The following SLC5A1 variants were observed in gnomAD, a reference collection of about 807,000 sequenced individuals.
The protein encoded by SLC5A1 is solute carrier family 5 member 1.
Under a neutral mutation model 73.5 loss-of-function variants are expected in SLC5A1, and 42 were observed. The observed-to-expected ratio is 0.57, with a 90% CI of 0.45 to 0.74. SLC5A1 has a LOEUF of 0.74. SLC5A1 is among the 30% of genes least tolerant of loss of function. The probability of loss-of-function intolerance (pLI) is 0.00; values close to 1 mark genes in which losing one functional copy is unlikely to be tolerated. For synonymous variants in SLC5A1, 300 were observed against 317.4 expected (o/e 0.95, Z 0.58); for missense variants, 634 against 855.4 (o/e 0.74, Z 3.23).
chr22:32,092,167 A>T (rs1186461275), intron 11 of SLC5A1, among the ~76,000 whole-genome samples: 1 of 152,242 alleles, frequency 6.6e-6, no homozygotes, highest in Admixed American at 6.5e-5. Flanking sequence ...CTCATAGCTT[A>T]GCTCCCACTT....
Position 32,112,893 on chromosome 22 carries a change from AT to A in SLC5A1, c.*2681del, listed in dbSNP as rs2094059923. ...AGTGTGAGTGTTCTACCACAAAAAAATATGTGCAGTAATAGATGTTAATTAC... is the reference window on the plus strand; with the variant it reads ...AGTGTGAGTGTTCTACCACAAAAAAAATGTGCAGTAATAGATGTTAATTAC... On this transcript the variant is annotated 3_prime_UTR_variant, in exon 15 of 15. Transcript: ENST00000266088. 6.6e-6 allele frequency: 1 copy of A among 152,226 alleles called. No homozygotes were observed. The highest frequency in any genetic ancestry group is 2.1e-4 in the South Asian group (1 of 4,822). The allele number at this position is 152,226 out of a possible 1,614,324, so 9.4% of individuals were successfully genotyped here. A position where few individuals can be genotyped will look rare whatever the true frequency, so the allele number is the denominator to read the frequency against.
In SLC5A1 at chr22:32,087,252, A is replaced by G. The variant is rs567068188; in HGVS notation, c.1129+925A>G. ...CCAAGAGTAGATTTTAACTGTTCTC[A>G]CCACAAAAAATGTTAAGTATTTAAG... On this transcript the variant is annotated intron_variant, in intron 10 of 14. Coordinates refer to ENST00000266088, the MANE Select transcript of SLC5A1 (RefSeq NM_000343.4). Among the ~76,000 whole-genome samples, 3 of 152,348 alleles carry G rather than the reference A, an allele frequency of 2.0e-5. No individual in the cohort carries two copies. In the South Asian group the frequency reaches 6.2e-4, roughly 32 times the overall value.
chr22:32,059,209 C>T (rs868662307), intron 2 of SLC5A1: 54 of 985,008 alleles, frequency 5.5e-5, no homozygotes, highest in Non-Finnish European at 6.3e-5. Flanking sequence ...CCTGCCTGGG[C>T]GACAGAAAAA....
At chr22:32,048,944 C>T (rs1159003887) in intron 1 of SLC5A1, among the ~76,000 whole-genome samples, 4 of 151,866 alleles carry the variant, frequency 2.6e-5, no homozygotes, top group African/African-American at 9.7e-5. Flanking sequence ...GTAGCACATG[C>T]CTGTAGTCCC....
At position 32,085,021 on chromosome 22, in the gene SLC5A1, G is replaced by A. The variant is rs774651252; in HGVS notation, c.1007G>A (p.Arg336His). The A allele has an allele frequency of 2.3e-5, 37 of 1,614,006 alleles. No homozygotes were observed. The highest frequency in any genetic ancestry group is 2.9e-5 in the Non-Finnish European group (34 of 1,180,012). ...ATGGTGATGCCAGGAATGATCAGCC[G>A]CATTCTGTACACAGGTAATAACTTC... ...FIMVMPGMIS[R>H]ILYTEKIACV... The change falls in exon 9 of 15, where the codon CGC becomes CAC. Residue 336 changes from arginine to histidine, a missense_variant. By Grantham distance (29) the Arg-to-His change is conservative (BLOSUM62 0). Around this residue, in one of 3 missense-constraint regions of SLC5A1, gnomAD observed 422 missense variants for 626.1 expected, o/e 0.67. Coordinates refer to ENST00000266088, the MANE Select transcript of SLC5A1 (RefSeq NM_000343.4).
In SLC5A1 at chr22:32,086,216, C is replaced by T; in HGVS notation, c.1022-4C>T. 1.2e-6 allele frequency: 2 copies of T among 1,601,910 alleles called. No homozygotes were observed. Among genetic ancestry groups the T allele is most frequent in the Non-Finnish European group, 1.7e-6 (2 of 1,168,912 alleles). On this transcript the variant is annotated splice_region_variant and splice_polypyrimidine_tract_variant and intron_variant, in intron 9 of 14. Transcript: ENST00000266088. ...TGCTGACGTGGCTCTCCATCTCTTCCCAGAAAAAATTGCCTGTGTCGTCCC... is the reference window on the plus strand; with the variant it reads ...TGCTGACGTGGCTCTCCATCTCTTCTCAGAAAAAATTGCCTGTGTCGTCCC...
At chr22:32,068,066 T>C (rs553578808) in intron 4 of SLC5A1, 40 bp downstream of exon 4, 8 of 1,591,266 alleles carry the variant, frequency 5.0e-6, no homozygotes, top group Admixed American at 3.3e-5. Flanking sequence ...TGCTGGCAAA[T>C]GTATCTGTCA....
chr22:32,084,890 T>C lies in SLC5A1; in HGVS notation c.886-10T>C, dbSNP rs201709042. The C allele has an allele frequency of 7.4e-6, 12 of 1,613,884 alleles. No individual in the cohort carries two copies. The highest frequency in any genetic ancestry group is 1.0e-5 in the Non-Finnish European group (12 of 1,180,028). On this transcript the variant is annotated splice_polypyrimidine_tract_variant and intron_variant, in intron 8 of 14. Transcript: ENST00000266088. ...TCTGCACACCTCCCTTACTGGGCTT[T>C]TTCTGGCAGGTCATTGTGCAGCGCT...
chr22:32,048,575 G>A (rs909040351), intron 1 of SLC5A1, among the ~76,000 whole-genome samples: 1 of 152,098 alleles, frequency 6.6e-6, no homozygotes, highest in Non-Finnish European at 1.5e-5. Flanking sequence ...AACACTGTTC[G>A]CCATTCTCTC....
intron 5 of SLC5A1, among the ~76,000 whole-genome samples, chr22:32,070,621 A>ACTGCACCCGGCCTTGTGT (rs1297925023): frequency 6.6e-6 from 1 of 152,120 alleles, no homozygotes; most frequent in African/African-American, 2.4e-5. Context: ...GGCATGAGCC[A>ACTGCACCCGGCCTTGTGT]CTGCACCCGG....
Position 32,091,759 on chromosome 22 carries a change from G to C in SLC5A1, c.1277G>C (p.Gly426Ala). The C allele has an allele frequency of 6.2e-7, 1 of 1,613,824 alleles. No homozygotes were observed. Among genetic ancestry groups the C allele is most frequent in the Non-Finnish European group, 8.5e-7 (1 of 1,179,898 alleles). The stretch of plus-strand genomic sequence containing the variant: ...TCTGAGAAAGAGCTCATGATTGCCG[G>C]AAGGTAAATGCAGCTTCCCCCAAGC... ...RASEKELMIA[G>A]RLFILVLIGI... The change falls in exon 11 of 15, where the codon GGA (glycine) becomes GCA (alanine). Residue 426 changes from glycine to alanine, a missense_variant. Coordinates refer to ENST00000266088, the MANE Select transcript of SLC5A1 (RefSeq NM_000343.4).
intron 1 of SLC5A1, among the ~76,000 whole-genome samples, chr22:32,044,023 G>A (rs1847031467): frequency 6.6e-6 from 1 of 152,132 alleles, no homozygotes; most frequent in Non-Finnish European, 1.5e-5. Flanking sequence ...AGACCTGGGG[G>A]TGACCTGGCA....
intron 1 of SLC5A1, among the ~76,000 whole-genome samples, chr22:32,045,691 A>T (rs1183272501): frequency 6.6e-6 from 1 of 152,180 alleles, no homozygotes; most frequent in Non-Finnish European, 1.5e-5. Flanking sequence ...ATATTTTAGA[A>T]TTTGGCTTCT....
chr22:32,047,662 C>T (rs5998222), intron 1 of SLC5A1, among the ~76,000 whole-genome samples: 4,994 of 152,218 alleles, frequency 0.033, 253 homozygotes, highest in African/African-American at 0.11. Context: ...ACTGATGGGA[C>T]ACAATAATGG....
Position 32,083,893 on chromosome 22 carries a change from A to C in SLC5A1, c.665-546A>C, listed in dbSNP as rs181028085. Reference sequence around the variant, plus strand: ...GGCCTTGGGTGTTAGCTAGGCAGGCAGTGGAATGACTTATTCAAGGACACA... The same window carrying C: ...GGCCTTGGGTGTTAGCTAGGCAGGCCGTGGAATGACTTATTCAAGGACACA... On this transcript the variant is annotated intron_variant, in intron 7 of 14. Coordinates refer to ENST00000266088, the MANE Select transcript of SLC5A1 (RefSeq NM_000343.4). 3.2e-4 allele frequency among the ~76,000 whole-genome samples: 48 copies of C among 152,326 alleles called. No homozygotes were observed. In the East Asian group the frequency reaches 6.6e-3, roughly 21 times the overall value.
intron 10 of SLC5A1, among the ~76,000 whole-genome samples, chr22:32,089,478 A>G (rs553861046): frequency 2.0e-5 from 3 of 152,382 alleles, no homozygotes; most frequent in Admixed American, 1.3e-4. Context: ...TAATAGAGGT[A>G]TAAGTAAAGT....
chr22:32,068,461 G>A (rs759433120), intron 4 of SLC5A1, 35 bp from the exon 5 acceptor site: 19 of 1,320,650 alleles, frequency 1.4e-5, no homozygotes, highest in African/African-American at 2.9e-5. Context: ...TCTGGTCACT[G>A]TGGCTGGCAG....
chr22:32,075,070 C>CTTTTTTTT (rs1045791303), intron 5 of SLC5A1, among the ~76,000 whole-genome samples: 1 of 107,670 alleles, frequency 9.3e-6, no homozygotes, highest in Non-Finnish European at 2.0e-5. Context: ...CTATTTTTTA[C>CTTTTTTTT]TTTTTTTTTT....
intron 10 of SLC5A1, among the ~76,000 whole-genome samples, chr22:32,091,298 A>AACAC (rs67059150): frequency 0.013 from 1,786 of 139,018 alleles, 20 homozygotes; most frequent in Middle Eastern, 0.029. Flanking sequence ...CACATACACA[A>AACAC]ACACACACAC....
Sources: allele counts gnomAD v4.1 joint callset (sites outside exome capture counted in the v4.1 genomes callset), GRCh38; gene constraint gnomAD v4.1.1; regional missense constraint gnomAD v4.1.1; transcripts MANE v1.5; gene names NCBI Gene and HGNC (gene_info 2026-07-23, HGNC 2026-07-21).